The following EDA variants were observed in gnomAD, a reference collection of about 807,000 sequenced individuals.
EDA encodes ectodysplasin A.
EDA carries 2 observed loss-of-function variants against 23.6 expected under a neutral mutation model. The observed-to-expected ratio is 0.08, with a 90% CI of 0.03 to 0.27. The LOEUF (loss-of-function observed/expected upper bound fraction) is 0.27. Ranked by LOEUF, EDA falls within the 10% of genes least tolerant of loss-of-function variation. EDA has a pLI of 1.00. For synonymous variants in EDA, 131 were observed against 132.0 expected (o/e 0.99, Z 0.05); for missense variants, 229 against 324.2 (o/e 0.71, Z 2.26).
intron 1 of EDA, among the ~76,000 whole-genome samples, chrX:69,755,919 A>G (rs947663195): frequency 8.9e-6 from 1 of 112,442 alleles, no homozygotes; most frequent in African/African-American, 3.2e-5. Flanking sequence ...GGAAAAGCGC[A>G]GTATTAGAGT....
intron 1 of EDA, among the ~76,000 whole-genome samples, chrX:69,785,365 T>C (rs2015121270): frequency 1.2e-5 from 1 of 84,018 alleles, no homozygotes; most frequent in Non-Finnish European, 2.7e-5. Flanking sequence ...ATCCCTGTCT[T>C]GTGCCAGTTT....
intron 2 of EDA, among the ~76,000 whole-genome samples, chrX:69,961,184 A>G (rs946200952): frequency 9.0e-6 from 1 of 111,544 alleles, no homozygotes; most frequent in Non-Finnish European, 1.9e-5. Flanking sequence ...TATGTTGGCC[A>G]GGCTGGTCTC....
intron 1 of EDA, among the ~76,000 whole-genome samples, chrX:69,769,838 A>G (rs2014576555): frequency 9.0e-6 from 1 of 111,120 alleles, no homozygotes; most frequent in Non-Finnish European, 1.9e-5. Flanking sequence ...CATTTCTTAT[A>G]CTATGGGTAG....
At chrX:69,774,990 C>T (rs2014738451) in intron 1 of EDA, among the ~76,000 whole-genome samples, 1 of 111,645 alleles carries the variant, frequency 9.0e-6, no homozygotes, top group Admixed American at 9.5e-5. Flanking sequence ...CTCCATACAT[C>T]CTAGTTCTCC....
At position 69,718,054 on chromosome X, in the gene EDA, C is replaced by T. The variant is rs183476725; in HGVS notation, c.396+101350C>T. ...TGCCGTGATTGGCCTCCCCAGAAGCCGTCAACGTTTCCTATACAACCAGTG... is the reference window on the plus strand; with the variant it reads ...TGCCGTGATTGGCCTCCCCAGAAGCTGTCAACGTTTCCTATACAACCAGTG... On this transcript the variant is annotated intron_variant, in intron 1 of 7. Coordinates refer to ENST00000374552, the MANE Select transcript of EDA (RefSeq NM_001399.5). 3.8e-4 allele frequency among the ~76,000 whole-genome samples: 42 copies of T among 111,776 alleles called. No individual in the cohort carries two copies. The East Asian group carries it at 5.1e-3, about 13-fold the overall frequency.
intron 1 of EDA, among the ~76,000 whole-genome samples, chrX:69,825,586 T>G (rs1382543901): frequency 1.8e-5 from 2 of 112,790 alleles, no homozygotes; most frequent in African/African-American, 6.5e-5. Flanking sequence ...GATTCTTCTC[T>G]CTTTTTCTCT....
chrX:69,795,559 G>A (rs2015521286), intron 1 of EDA, among the ~76,000 whole-genome samples: 2 of 112,558 alleles, frequency 1.8e-5, no homozygotes, highest in Non-Finnish European at 3.8e-5. Context: ...CATAATCTGA[G>A]TGGCACAAGG....
intron 1 of EDA, among the ~76,000 whole-genome samples, chrX:69,925,378 CA>C (rs940903273): frequency 2.7e-5 from 3 of 111,828 alleles, no homozygotes; most frequent in African/African-American, 9.7e-5. Context: ...TGAATTTTAT[CA>C]AAGGCCTTTT....
At chrX:69,671,870 T>C (rs1323878261) in intron 1 of EDA, among the ~76,000 whole-genome samples, 2 of 112,184 alleles carry the variant, frequency 1.8e-5, no homozygotes, top group East Asian at 5.6e-4. Context: ...ATTCTTTTTT[T>C]CCTCTCAATC....
chrX:70,007,825 G>T (rs909777509), intron 2 of EDA, among the ~76,000 whole-genome samples: 9 of 111,151 alleles, frequency 8.1e-5, no homozygotes, highest in African/African-American at 2.9e-4. Flanking sequence ...TCCTCATATA[G>T]ATATTCATAT....
At chrX:69,937,858 A>T in intron 1 of EDA, 1 of 1,196,613 alleles carries the variant, frequency 8.4e-7, no homozygotes, top group Non-Finnish European at 1.1e-6. Context: ...TTGCTCCTGA[A>T]TCCTCCAGTG....
chrX:69,782,499 G>T (rs868524500), intron 1 of EDA, among the ~76,000 whole-genome samples: 3 of 110,889 alleles, frequency 2.7e-5, no homozygotes, highest in Admixed American at 9.6e-5. Context: ...GTGTGTCTTA[G>T]CAACTGCATT....
chrX:69,814,002 G>A (rs1355879238), intron 1 of EDA, among the ~76,000 whole-genome samples: 1 of 112,092 alleles, frequency 8.9e-6, no homozygotes, highest in Non-Finnish European at 1.9e-5. Context: ...ATGATATAAT[G>A]TACACAACTT....
intron 1 of EDA, among the ~76,000 whole-genome samples, chrX:69,644,031 A>G (rs1298142566): frequency 1.8e-5 from 2 of 111,704 alleles, no homozygotes; most frequent in Non-Finnish European, 3.8e-5. Context: ...GAAGTTGGAT[A>G]GCATGAGGCC....
chrX:69,916,396 CTTTTTTTTTTT>C (rs782071176), intron 1 of EDA, among the ~76,000 whole-genome samples: 4 of 58,151 alleles, frequency 6.9e-5, no homozygotes, highest in Admixed American at 4.6e-4. Flanking sequence ...CTCTACTGTT[CTTTTTTTTTTT>C]TTTTTTTTTT....
intron 2 of EDA, among the ~76,000 whole-genome samples, chrX:69,972,720 G>A (rs1602577017): frequency 9.0e-6 from 1 of 111,323 alleles, no homozygotes; most frequent in East Asian, 2.8e-4. Flanking sequence ...GATGATATGG[G>A]GATTAAATAC....
chrX:69,943,277 A>C (rs1210501591), intron 1 of EDA, among the ~76,000 whole-genome samples: 1 of 111,142 alleles, frequency 9.0e-6, no homozygotes, highest in Non-Finnish European at 1.9e-5. Flanking sequence ...CGTATTGACT[A>C]GTCTCCGCAG....
At chrX:69,674,970 A>G (rs1462000176) in intron 1 of EDA, among the ~76,000 whole-genome samples, 1 of 110,988 alleles carries the variant, frequency 9.0e-6, no homozygotes, top group African/African-American at 3.3e-5. Context: ...CCCCTCCAAC[A>G]CTATTATCTC....
At chrX:69,957,484 A>C (rs1237300537) in intron 2 of EDA, 20 of 177,897 alleles carry the variant, frequency 1.1e-4, no homozygotes, top group African/African-American at 5.1e-4. Context: ...ATCTCAAAAA[A>C]AAAAAAACAA....
Sources: allele counts gnomAD v4.1 joint callset (sites outside exome capture counted in the v4.1 genomes callset), GRCh38; gene constraint gnomAD v4.1.1; transcripts MANE v1.5; gene names NCBI Gene and HGNC (gene_info 2026-07-23, HGNC 2026-07-21).